The following ADGRG2 variants were observed in gnomAD, a reference collection of about 807,000 sequenced individuals.
ADGRG2 encodes the protein G protein-coupled receptor 64.
A neutral mutation model predicts 74.1 loss-of-function variants in ADGRG2; 26 were observed. That is an observed-to-expected ratio of 0.35 (90% CI 0.26 to 0.49). ADGRG2 has a LOEUF of 0.49. Ranked by LOEUF, ADGRG2 falls within the 20% of genes least tolerant of loss-of-function variation. ADGRG2 has a pLI of 0.99. For synonymous variants in ADGRG2, 296 were observed against 295.2 expected, an observed-to-expected ratio of 1.00 and a Z score of -0.03; for missense variants, 619 against 763.1, an observed-to-expected ratio of 0.81 and a Z score of 2.22.
intron 3 of ADGRG2, among the ~76,000 whole-genome samples, chrX:19,058,458 T>C (rs1379862290): frequency 9.0e-6 from 1 of 111,277 alleles, no homozygotes; most frequent in Non-Finnish European, 1.9e-5. Flanking sequence ...GTCTACATAA[T>C]TGAAAGACAA....
At chrX:19,099,939 G>T (rs1030292078) in intron 1 of ADGRG2, among the ~76,000 whole-genome samples, 1 of 111,475 alleles carries the variant, frequency 9.0e-6, no homozygotes, top group Non-Finnish European at 1.9e-5. Flanking sequence ...GGAGGCTGAG[G>T]TGGGAGGATC....
chrX:19,015,588 G>A (rs900182488), intron 15 of ADGRG2, among the ~76,000 whole-genome samples: 1 of 112,283 alleles, frequency 8.9e-6, no homozygotes, highest in African/African-American at 3.2e-5. Context: ...GCGTGGTGGC[G>A]GGTGCCTATA....
chrX:19,095,812 G>C (rs1232343447), intron 1 of ADGRG2, among the ~76,000 whole-genome samples: 1 of 110,691 alleles, frequency 9.0e-6, no homozygotes, highest in Non-Finnish European at 1.9e-5. Flanking sequence ...CCAGGAGTTG[G>C]AGTCCAGCCT....
Position 19,068,790 on chromosome X carries a change from T to C in ADGRG2, c.45A>G (p.Glu15=). The C allele has an allele frequency of 8.5e-7, 1 of 1,170,499 alleles. No homozygotes were observed. The highest frequency in any genetic ancestry group is 1.8e-5 in the South Asian group (1 of 54,086). ...ATATCTTGAACGTCAGTAAAACTTCTTCAGTTCTGCCAACATGGCCACACT... is the reference window on the plus strand; with the variant it reads ...ATATCTTGAACGTCAGTAAAACTTCCTCAGTTCTGCCAACATGGCCACACT... The part of the protein sequence containing the change: ...VRQCGHVGRT[E]EVLLTFKIFL... The change falls in exon 3 of 29, where the codon GAA becomes GAG. Residue 15 remains glutamate, a synonymous_variant. Coordinates refer to ENST00000379869, the MANE Select transcript of ADGRG2 (RefSeq NM_001079858.3).
At chrX:19,092,567 A>G (rs1433964083) in intron 1 of ADGRG2, among the ~76,000 whole-genome samples, 1 of 111,496 alleles carries the variant, frequency 9.0e-6, no homozygotes, top group Non-Finnish European at 1.9e-5. Context: ...GGGGAAGGCC[A>G]TAGCCTGGCC....
intron 15 of ADGRG2, among the ~76,000 whole-genome samples, chrX:19,019,115 G>A (rs993616752): frequency 4.4e-5 from 5 of 112,360 alleles, no homozygotes; most frequent in African/African-American, 9.7e-5. Context: ...AAAGTGCTGG[G>A]ATTACAGGCG....
At chrX:19,104,281 C>T (rs765027478) in intron 1 of ADGRG2, among the ~76,000 whole-genome samples, 36 of 110,252 alleles carry the variant, frequency 3.3e-4, no homozygotes, top group African/African-American at 1.2e-3. Context: ...GTAGGAGCCC[C>T]CGGGATGTGA....
At position 18,990,955 on chromosome X, in the gene ADGRG2, T is replaced by C; in HGVS notation, c.2963A>G (p.Asn988Ser). 1 of 1,203,503 alleles carries C rather than the reference T, an allele frequency of 8.3e-7. No individual in the cohort carries two copies. The highest frequency in any genetic ancestry group is 1.1e-6 in the Non-Finnish European group (1 of 888,015). ...CCCATTGCAGGAATCTTCCTTCTCG[T>C]TAAACATGTGCTGTTTTCCAGTGAA... Reference protein sequence around the residue: ...HDFTGKQHMFNEKEDSCNGKG... With the variant: ...HDFTGKQHMFSEKEDSCNGKG... The change falls in exon 29 of 29, where the codon AAC becomes AGC. Residue 988 changes from asparagine (N) to serine (S), a missense_variant. Asn to Ser is a conservative substitution (Grantham distance 46). This residue lies in a region of ADGRG2 where 106 missense variants were observed against 104.5 expected (regional missense o/e 1.01). Coordinates refer to ENST00000379869, the MANE Select transcript of ADGRG2 (RefSeq NM_001079858.3).
intron 3 of ADGRG2, among the ~76,000 whole-genome samples, chrX:19,062,655 C>T (rs904519170): frequency 3.6e-5 from 4 of 111,366 alleles, no homozygotes; most frequent in African/African-American, 9.8e-5. Flanking sequence ...CTCAGGAGCA[C>T]GCAGCCCATT....
At chrX:19,079,337 G>A in intron 2 of ADGRG2, among the ~76,000 whole-genome samples, 1 of 112,247 alleles carries the variant, frequency 8.9e-6, no homozygotes, top group Non-Finnish European at 1.9e-5. Flanking sequence ...TAAATCAAAT[G>A]AGACTGTTTT....
chrX:19,103,458 A>G (rs1569147250), intron 1 of ADGRG2, among the ~76,000 whole-genome samples: 1 of 111,862 alleles, frequency 8.9e-6, no homozygotes. Context: ...TGCTCTGCCT[A>G]CGGAGCAAAC....
At position 18,993,687 on chromosome X, in the gene ADGRG2, G is replaced by GAAA. The variant is rs139677355; in HGVS notation, c.2869+1206_2869+1208dup. 4.7e-5 allele frequency among the ~76,000 whole-genome samples: 3 copies of GAAA among 64,094 alleles called. 1 individual carries two copies. The South Asian group carries it at 2.5e-3, about 52-fold the overall frequency. 55.7% of individuals were successfully genotyped at this position (64,094 alleles called of 115,157 possible). On this transcript the variant is annotated intron_variant, in intron 28 of 28. Coordinates refer to ENST00000379869, the MANE Select transcript of ADGRG2 (RefSeq NM_001079858.3). ...TAGGAGACCTTGTCATAAAAAAAAA[G>GAAA]AAAAAAAAAAAAAAAAGTCTAGACA... is the stretch of plus-strand genomic sequence containing the variant.
chrX:19,023,010 T>G lies in ADGRG2; in HGVS notation c.548+406A>C, dbSNP rs1004663488. ...CCACACCCAGCCATGTTCTTTTCTC[T>G]TTCTTTCCAATCTTTTCCTTCCCCC... On this transcript the variant is annotated intron_variant, in intron 13 of 28. Transcript: ENST00000379869. 1.1e-3 allele frequency among the ~76,000 whole-genome samples: 129 copies of G among 112,480 alleles called. 1 individual carries two copies. The highest frequency in any genetic ancestry group is 3.7e-3 in the African/African-American group (114 of 31,021).
intron 3 of ADGRG2, among the ~76,000 whole-genome samples, chrX:19,044,788 T>C: frequency 8.9e-6 from 1 of 111,892 alleles, no homozygotes; most frequent in Non-Finnish European, 1.9e-5. Context: ...ATGGGGCTGT[T>C]GCAAGGATTC....
At chrX:19,116,994 C>T (rs55656994) in intron 1 of ADGRG2, among the ~76,000 whole-genome samples, 29,522 of 111,192 alleles carry the variant, frequency 0.27, 5,566 homozygotes, top group African/African-American at 0.68. Context: ...TTGGACTGAG[C>T]TGAAATATAA....
intron 1 of ADGRG2, among the ~76,000 whole-genome samples, chrX:19,117,482 A>G (rs2062541575): frequency 9.0e-6 from 1 of 110,516 alleles, no homozygotes; most frequent in Non-Finnish European, 1.9e-5. Context: ...AAATAAGAAC[A>G]TTATTAAAAA....
At chrX:19,008,192 T>A in intron 18 of ADGRG2, 69 bp from the exon 19 acceptor site, 1 of 817,637 alleles carries the variant, frequency 1.2e-6, no homozygotes, top group Non-Finnish European at 1.7e-6. Context: ...ACACATCTAT[T>A]AAGTTGGTGC....
intron 3 of ADGRG2, among the ~76,000 whole-genome samples, chrX:19,066,872 T>G (rs2146898644): frequency 9.0e-6 from 1 of 111,676 alleles, no homozygotes; most frequent in Non-Finnish European, 1.9e-5. Flanking sequence ...CATGAACTTC[T>G]AAAGATCCCC....
At chrX:19,027,729 A>G (rs769437172) in intron 10 of ADGRG2, among the ~76,000 whole-genome samples, 1 of 112,541 alleles carries the variant, frequency 8.9e-6, no homozygotes, top group African/African-American at 3.2e-5. Context: ...GTAGGTGCTC[A>G]GAAATAGTCA....
Sources: allele counts gnomAD v4.1 joint callset (sites outside exome capture counted in the v4.1 genomes callset), GRCh38; gene constraint gnomAD v4.1.1; regional missense constraint gnomAD v4.1.1; transcripts MANE v1.5; gene names NCBI Gene and HGNC (gene_info 2026-07-23, HGNC 2026-07-21).